Variants in EHD4 observed in about 807,000 individuals in gnomAD.
The protein encoded by EHD4 is EH domain-containing protein 4.
Under a neutral mutation model 51.0 loss-of-function variants are expected in EHD4, and 37 were observed. The observed-to-expected ratio is 0.73, with a 90% confidence interval of 0.56 to 0.95. The LOEUF (loss-of-function observed/expected upper bound fraction) is 0.95. Among genes scored for constraint, EHD4 ranks in the 40% least tolerant of loss-of-function variants. The probability of loss-of-function intolerance (pLI) is 0.00; values close to 1 mark genes in which losing one functional copy is unlikely to be tolerated. For missense variants in EHD4, 632 were observed against 733.1 expected (o/e 0.86, Z 1.59); for synonymous variants, 297 against 317.3 (o/e 0.94, Z 0.68).
chr15:41,939,628 C>T (rs1277532258), intron 3 of EHD4, among the ~76,000 whole-genome samples: 5 of 150,988 alleles, frequency 3.3e-5, no homozygotes, highest in South Asian at 2.1e-4. Context: ...GGTGAAACCC[C>T]GTCACTTCTA....
intron 1 of EHD4, among the ~76,000 whole-genome samples, chr15:41,966,247 T>C (rs1207268732): frequency 6.6e-6 from 1 of 151,940 alleles, no homozygotes; most frequent in Admixed American, 6.6e-5. Context: ...TCACCACCAC[T>C]CACAGGCACA....
At chr15:41,969,971 G>A (rs897199351) in intron 1 of EHD4, among the ~76,000 whole-genome samples, 5 of 152,246 alleles carry the variant, frequency 3.3e-5, no homozygotes, top group East Asian at 3.9e-4. Flanking sequence ...GGGCCCAATC[G>A]CTAGAAGCAA....
At chr15:41,941,010 A>T (rs1053762012) in intron 3 of EHD4, among the ~76,000 whole-genome samples, 1 of 152,220 alleles carries the variant, frequency 6.6e-6, no homozygotes, top group Non-Finnish European at 1.5e-5. Context: ...AAGCAGTGAA[A>T]CACGGGCAGC....
At chr15:41,929,209 C>T (rs921505712) in intron 3 of EHD4, among the ~76,000 whole-genome samples, 8 of 152,240 alleles carry the variant, frequency 5.3e-5, no homozygotes, top group Non-Finnish European at 1.2e-4. Context: ...ACTCCTCCTT[C>T]CTTTGGGATT....
At chr15:41,953,184 G>A (rs937663428) in intron 2 of EHD4, among the ~76,000 whole-genome samples, 1 of 151,882 alleles carries the variant, frequency 6.6e-6, no homozygotes, top group Non-Finnish European at 1.5e-5. Context: ...CCGAGTGTCC[G>A]GTGAAGGTTA....
intron 4 of EHD4, among the ~76,000 whole-genome samples, chr15:41,918,604 T>C (rs2067601339): frequency 6.6e-6 from 1 of 152,198 alleles, no homozygotes; most frequent in Non-Finnish European, 1.5e-5. Flanking sequence ...GGCTCAGCTA[T>C]GAGGCAGGCG....
chr15:41,930,687 C>A (rs957757092), intron 3 of EHD4, among the ~76,000 whole-genome samples: 2 of 152,156 alleles, frequency 1.3e-5, no homozygotes, highest in Non-Finnish European at 2.9e-5. Flanking sequence ...GCACTGCAGA[C>A]CAGCTCTAGC....
intron 1 of EHD4, among the ~76,000 whole-genome samples, chr15:41,961,641 T>G (rs1190942348): frequency 6.6e-6 from 1 of 152,236 alleles, no homozygotes; most frequent in Non-Finnish European, 1.5e-5. Flanking sequence ...CCATATCCAT[T>G]TTGTTTTTTT....
chr15:41,924,691 G>A (rs2067649786), intron 3 of EHD4, among the ~76,000 whole-genome samples: 1 of 152,190 alleles, frequency 6.6e-6, no homozygotes, highest in Non-Finnish European at 1.5e-5. Context: ...GTCTCAGGGT[G>A]ATGGAAAGTT....
At chr15:41,958,973 T>A (rs986716536) in intron 1 of EHD4, among the ~76,000 whole-genome samples, 4 of 152,214 alleles carry the variant, frequency 2.6e-5, no homozygotes, top group African/African-American at 9.7e-5. Context: ...ACTGGGAATG[T>A]TTACAGGAAC....
chr15:41,934,259 T>A (rs1332436190), intron 3 of EHD4, among the ~76,000 whole-genome samples: 4 of 150,798 alleles, frequency 2.7e-5, no homozygotes, highest in Non-Finnish European at 5.9e-5. Context: ...GCCCCCTGTA[T>A]CAGAACCCTC....
rs778505586 is a variant in EHD4 at position 41,900,627 on chromosome 15, C to T, written c.*18G>A. 9.6e-6 allele frequency: 15 copies of T among 1,561,020 alleles called. No individual in the cohort carries two copies. The highest frequency in any genetic ancestry group is 2.7e-5 in the African/African-American group (2 of 74,432). ...GGCCCAGGTCCCCCAGTTCCCACCC[C>T]GTTCTGCAGCCCACCCCTCAGTCGG... On this transcript the variant is annotated 3_prime_UTR_variant, in exon 6 of 6. Transcript: ENST00000220325. The surrounding 1 kb of genome is among the most constrained non-coding windows in gnomAD (Gnocchi z 4.8).
chr15:41,940,252 G>A (rs969599206), intron 3 of EHD4, among the ~76,000 whole-genome samples: 2 of 152,242 alleles, frequency 1.3e-5, no homozygotes, highest in Non-Finnish European at 2.9e-5. Context: ...CGCCAATAAA[G>A]TCAGTGGGGG....
At chr15:41,907,569 G>C (rs890938223) in intron 5 of EHD4, among the ~76,000 whole-genome samples, 5 of 152,114 alleles carry the variant, frequency 3.3e-5, no homozygotes, top group Non-Finnish European at 5.9e-5. Flanking sequence ...GTCCTGGCTG[G>C]AGTGCAGTGG....
chr15:41,902,751 G>A (rs1567242495), intron 5 of EHD4, among the ~76,000 whole-genome samples: 1 of 150,358 alleles, frequency 6.7e-6, no homozygotes. Context: ...ATATACATAT[G>A]TATGTGTATA....
intron 2 of EHD4, among the ~76,000 whole-genome samples, chr15:41,943,725 T>G (rs912811608): frequency 6.6e-6 from 1 of 152,222 alleles, no homozygotes; most frequent in Non-Finnish European, 1.5e-5. Context: ...ACTGGCCCAC[T>G]GGGCTGGAGA....
chr15:41,909,135 C>A (rs1049964801), intron 5 of EHD4, among the ~76,000 whole-genome samples: 8 of 152,196 alleles, frequency 5.3e-5, no homozygotes, highest in African/African-American at 1.9e-4. Flanking sequence ...CTGGCTGGAG[C>A]TGCCCAGCCA....
chr15:41,948,575 TA>T (rs2067830839), intron 2 of EHD4, among the ~76,000 whole-genome samples: 1 of 152,224 alleles, frequency 6.6e-6, no homozygotes. Flanking sequence ...AAAAAAAAAT[TA>T]TTTTGCTGGT....
chr15:41,911,540 G>C (rs547103713), intron 4 of EHD4, among the ~76,000 whole-genome samples: 2 of 152,158 alleles, frequency 1.3e-5, no homozygotes, highest in Non-Finnish European at 2.9e-5. Context: ...GAGCTGCCAC[G>C]TTCCATCAGG....
Sources: gnomAD v4.1 joint callset for allele counts (sites outside exome capture counted in the v4.1 genomes callset) on GRCh38, gnomAD v4.1.1 for gene constraint, Gnocchi (gnomAD v3.1) non-coding constraint, MANE v1.5 for transcripts, NCBI Gene and HGNC (gene_info 2026-07-23, HGNC 2026-07-21) for gene names.